EVA1A: variants seen among roughly 807,000 people sequenced by gnomAD.
EVA1A encodes eva-1 homolog A, regulator of programmed cell death, also known as protein eva-1 homolog A.
EVA1A carries 7 observed loss-of-function variants against 9.8 expected under a neutral mutation model. The ratio of observed to expected loss-of-function variants is 0.71; its 90% CI spans 0.41 to 1.34. The LOEUF (loss-of-function observed/expected upper bound fraction) is 1.34, where lower values mean the gene tolerates loss of function less well. EVA1A is among the 40% of genes most tolerant of loss of function. The pLI, the probability that EVA1A is intolerant of heterozygous loss-of-function variation, is 0.01. For synonymous variants in EVA1A, 90 were observed against 85.6 expected, an observed-to-expected ratio of 1.05 and a Z score of -0.28; for missense variants, 206 against 205.9, an observed-to-expected ratio of 1.00 and a Z score of 0.00.
chr2:75,548,979 G>GAAAAAAA (rs150555298), intron 1 of EVA1A, among the ~76,000 whole-genome samples: 5 of 130,170 alleles, frequency 3.8e-5, no homozygotes, highest in Admixed American at 7.9e-5. Flanking sequence ...CTGGCTAAAT[G>GAAAAAAA]AAAAATATAT....
intron 1 of EVA1A, among the ~76,000 whole-genome samples, chr2:75,540,445 T>C (rs1676069880): frequency 6.6e-6 from 1 of 152,204 alleles, no homozygotes; most frequent in Non-Finnish European, 1.5e-5. Flanking sequence ...AAAGCAGCCC[T>C]GTCCTAAAGT....
Position 75,529,094 on chromosome 2 carries a change from C to G in EVA1A, c.-191-6607G>C, listed in dbSNP as rs544877972. Among the ~76,000 whole-genome samples, 159 of 152,324 alleles carry G rather than the reference C, an allele frequency of 1.0e-3. 3 individuals carry two copies. The highest frequency in any genetic ancestry group is 3.7e-3 in the African/African-American group (155 of 41,576). On this transcript the variant is annotated intron_variant, in intron 1 of 3. Transcript: ENST00000393913. Reference sequence around the variant, plus strand: ...CCTCTACCAGAACAGGTGCTGGTATCCATGGCTGAGAGACCTGAAGATAGA... The same window carrying G: ...CCTCTACCAGAACAGGTGCTGGTATGCATGGCTGAGAGACCTGAAGATAGA...
intron 3 of EVA1A, among the ~76,000 whole-genome samples, chr2:75,495,229 C>T (rs1674168304): frequency 6.6e-6 from 1 of 152,158 alleles, no homozygotes; most frequent in Non-Finnish European, 1.5e-5. Flanking sequence ...ACCTAGTCTA[C>T]TGGGGAGACA....
At chr2:75,533,341 G>A (rs1041667103) in intron 1 of EVA1A, among the ~76,000 whole-genome samples, 1 of 152,106 alleles carries the variant, frequency 6.6e-6, no homozygotes, top group South Asian at 2.1e-4. Context: ...TTCAGCGGCT[G>A]AAAGAAATGA....
intron 3 of EVA1A, among the ~76,000 whole-genome samples, chr2:75,498,963 C>T (rs1674314142): frequency 6.6e-6 from 1 of 152,198 alleles, no homozygotes; most frequent in South Asian, 2.1e-4. Context: ...ATGAACTCCA[C>T]ACCAATCTGC....
chr2:75,552,677 T>C lies in EVA1A; in HGVS notation c.-192+8003A>G, dbSNP rs1482274695. The stretch of plus-strand genomic sequence containing the variant: ...AGTAGACATTTCCCATACTTCATTG[T>C]ATGTAACCCTGTCTACCATGCATAC... On this transcript the variant is annotated intron_variant, in intron 1 of 3. Transcript: ENST00000393913. Among the ~76,000 whole-genome samples the C allele has an allele frequency of 3.3e-5, 5 of 152,332 alleles. No individual in the cohort carries two copies. In the East Asian group the frequency reaches 9.6e-4, roughly 29 times the overall value.
intron 1 of EVA1A, among the ~76,000 whole-genome samples, chr2:75,554,040 C>T (rs1676616451): frequency 2.0e-5 from 3 of 152,280 alleles, no homozygotes; most frequent in South Asian, 2.1e-4. Flanking sequence ...CTGCTATGGC[C>T]TGTCTTGTCT....
chr2:75,555,578 T>G (rs1366501036), intron 1 of EVA1A, among the ~76,000 whole-genome samples: 1 of 151,980 alleles, frequency 6.6e-6, no homozygotes, highest in Non-Finnish European at 1.5e-5. Flanking sequence ...AGACAGTGTC[T>G]CTCCCTGACC....
At chr2:75,547,277 C>T (rs1001437398) in intron 1 of EVA1A, among the ~76,000 whole-genome samples, 3 of 152,166 alleles carry the variant, frequency 2.0e-5, no homozygotes, top group Non-Finnish European at 4.4e-5. Flanking sequence ...ATGCCACCCA[C>T]CGGGTGAGGA....
intron 1 of EVA1A, among the ~76,000 whole-genome samples, chr2:75,543,098 G>C (rs531218369): frequency 1.3e-5 from 2 of 152,236 alleles, no homozygotes; most frequent in South Asian, 2.1e-4. Flanking sequence ...TACCACACTG[G>C]GCATAAAAAG....
At chr2:75,565,500 T>A (rs10175794), upstream of EVA1A, among the ~76,000 whole-genome samples, 31,683 of 152,086 alleles carry the variant, frequency 0.21, 3,716 homozygotes, top group African/African-American at 0.32. Context: ...TTCTCTGCCG[T>A]AAGTGACTGA....
intron 1 of EVA1A, among the ~76,000 whole-genome samples, chr2:75,524,394 C>T (rs1306472191): frequency 6.6e-6 from 1 of 151,948 alleles, no homozygotes; most frequent in African/African-American, 2.4e-5. Flanking sequence ...CTCTGCACAG[C>T]CTGGCTACTA....
intron 1 of EVA1A, among the ~76,000 whole-genome samples, chr2:75,546,406 T>G (rs1676329443): frequency 6.6e-6 from 1 of 151,882 alleles, no homozygotes; most frequent in African/African-American, 2.4e-5. Flanking sequence ...AAGAAGAGGC[T>G]GGGGGGAAAA....
At chr2:75,533,456 C>G (rs1675752240) in intron 1 of EVA1A, among the ~76,000 whole-genome samples, 2 of 151,996 alleles carry the variant, frequency 1.3e-5, no homozygotes, top group African/African-American at 2.4e-5. Context: ...CACCAGCAGA[C>G]CTACCCAAAA....
intron 1 of EVA1A, among the ~76,000 whole-genome samples, chr2:75,546,309 C>T (rs778939292): frequency 3.3e-5 from 5 of 152,078 alleles, no homozygotes; most frequent in Non-Finnish European, 7.4e-5. Context: ...ATCCTTGGAG[C>T]TTAGCATAGT....
intron 2 of EVA1A, among the ~76,000 whole-genome samples, chr2:75,520,619 G>A (rs1274604764): frequency 6.6e-6 from 1 of 152,152 alleles, no homozygotes; most frequent in East Asian, 1.9e-4. Flanking sequence ...TCAGCAAACG[G>A]TGTTGGAAAA....
chr2:75,555,704 A>C (rs570425517), intron 1 of EVA1A, among the ~76,000 whole-genome samples: 1 of 152,120 alleles, frequency 6.6e-6, no homozygotes, highest in Non-Finnish European at 1.5e-5. Context: ...CCATTGTCTC[A>C]AAACAGTACA....
At chr2:75,546,391 A>G (rs1676328748) in intron 1 of EVA1A, among the ~76,000 whole-genome samples, 1 of 152,230 alleles carries the variant, frequency 6.6e-6, no homozygotes, top group Non-Finnish European at 1.5e-5. Context: ...AGTGCCAAGT[A>G]GGGAAAGAAG....
At chr2:75,521,111 C>T (rs1478772907) in intron 2 of EVA1A, among the ~76,000 whole-genome samples, 4 of 152,124 alleles carry the variant, frequency 2.6e-5, no homozygotes, top group African/African-American at 9.7e-5. Context: ...AAAAGATGCT[C>T]CACATAACCA....
Sources: allele counts gnomAD v4.1 joint callset (sites outside exome capture counted in the v4.1 genomes callset), GRCh38; gene constraint gnomAD v4.1.1; transcripts MANE v1.5; gene names NCBI Gene and HGNC (gene_info 2026-07-23, HGNC 2026-07-21).